The following LRRTM4 variants were observed in gnomAD, a reference collection of about 807,000 sequenced individuals.
The protein encoded by LRRTM4 is leucine-rich repeat transmembrane neuronal protein 4.
In LRRTM4, 25 loss-of-function variants were observed where a neutral mutation model predicts 47.6. The observed-to-expected ratio is 0.53, with a 90% CI of 0.38 to 0.73. The LOEUF is 0.73. LRRTM4 is among the 30% of genes least tolerant of loss of function. The pLI, the probability that LRRTM4 is intolerant of heterozygous loss-of-function variation, is 0.00. For synonymous variants in LRRTM4, 311 were observed against 269.5 expected, an observed-to-expected ratio of 1.15 and a Z score of -1.51; for missense variants, 638 against 713.4, an observed-to-expected ratio of 0.89 and a Z score of 1.20.
intron 3 of LRRTM4, among the ~76,000 whole-genome samples, chr2:77,078,394 ACACACACACACAC>A (rs1423850348): frequency 6.6e-6 from 1 of 151,676 alleles, no homozygotes; most frequent in African/African-American, 2.4e-5. Context: ...ACACACACAC[ACACACACACACAC>A]ATGTTCTGGT....
In LRRTM4 at chr2:77,070,092, C is replaced by A. The variant is rs942173284; in HGVS notation, c.1552-321176G>T. On this transcript the variant is annotated intron_variant, in intron 3 of 3. Coordinates refer to ENST00000409884, the MANE Select transcript of LRRTM4 (RefSeq NM_001134745.3). Reference sequence around the variant, plus strand: ...AATCGGAAATGAGGCTATGAATGAGCTATCGCGTGCTTCTGCTTTTTCCAG... The same window carrying A: ...AATCGGAAATGAGGCTATGAATGAGATATCGCGTGCTTCTGCTTTTTCCAG... 7.9e-5 allele frequency among the ~76,000 whole-genome samples: 12 copies of A among 152,106 alleles called. 1 individual carries two copies. The highest frequency in any genetic ancestry group is 3.4e-3 in the Middle Eastern group (1 of 294).
chr2:76,998,704 T>C (rs950804813), intron 3 of LRRTM4, among the ~76,000 whole-genome samples: 3 of 151,304 alleles, frequency 2.0e-5, no homozygotes, highest in African/African-American at 7.3e-5. Context: ...AAACACAATG[T>C]GACAAAAACA....
In LRRTM4 at chr2:77,014,538, G is replaced by A. The variant is rs563641346; in HGVS notation, c.1552-265622C>T. Among the ~76,000 whole-genome samples the A allele has an allele frequency of 1.1e-4, 16 of 143,346 alleles. No individual in the cohort carries two copies. In the East Asian group the frequency reaches 3.4e-3, roughly 30 times the overall value. 94.0% of individuals were successfully genotyped at this position (143,346 alleles called of 152,430 possible). Reference sequence around the variant, plus strand: ...TATATAAAGATTTTATAGGCCAGGTGCAGTGGCTCATGCCTGTAATCCCAG... The same window carrying A: ...TATATAAAGATTTTATAGGCCAGGTACAGTGGCTCATGCCTGTAATCCCAG... On this transcript the variant is annotated intron_variant, in intron 3 of 3. Transcript: ENST00000409884.
At chr2:77,316,376 T>C (rs1354020423) in intron 3 of LRRTM4, among the ~76,000 whole-genome samples, 1 of 152,200 alleles carries the variant, frequency 6.6e-6, no homozygotes, top group Non-Finnish European at 1.5e-5. Flanking sequence ...ATTAAAAATG[T>C]TCTATGTCAA....
intron 3 of LRRTM4, among the ~76,000 whole-genome samples, chr2:77,357,436 T>G (rs1672009295): frequency 6.6e-6 from 1 of 152,172 alleles, no homozygotes; most frequent in Non-Finnish European, 1.5e-5. Context: ...TTTTAATCAT[T>G]GCTTAGAAAA....
chr2:77,349,344 A>C (rs543890937), intron 3 of LRRTM4, among the ~76,000 whole-genome samples: 15 of 152,120 alleles, frequency 9.9e-5, no homozygotes, highest in Middle Eastern at 3.4e-3. Context: ...TAAAAAAAAA[A>C]CCTAGAAAAT....
intron 3 of LRRTM4, among the ~76,000 whole-genome samples, chr2:77,101,709 C>G (rs952850927): frequency 2.0e-5 from 3 of 152,080 alleles, no homozygotes; most frequent in Admixed American, 6.6e-5. Flanking sequence ...ATTCAGATAA[C>G]GTTATCAGCT....
At chr2:77,083,419 A>G (rs1680594810) in intron 3 of LRRTM4, among the ~76,000 whole-genome samples, 1 of 152,148 alleles carries the variant, frequency 6.6e-6, no homozygotes, top group South Asian at 2.1e-4. Context: ...CCATAGACTG[A>G]AGTCAGAACT....
intron 3 of LRRTM4, among the ~76,000 whole-genome samples, chr2:77,013,768 C>A (rs541462992): frequency 2.1e-4 from 32 of 152,250 alleles, no homozygotes; most frequent in African/African-American, 7.7e-4. Context: ...GGAGAAACAA[C>A]TCAGATAAAA....
intron 3 of LRRTM4, among the ~76,000 whole-genome samples, chr2:76,923,691 A>C (rs1674503511): frequency 6.6e-6 from 1 of 152,074 alleles, no homozygotes; most frequent in South Asian, 2.1e-4. Flanking sequence ...TCCTTTAGTC[A>C]ATCCCACTGT....
chr2:77,460,948 G>T (rs185339466), intron 3 of LRRTM4, among the ~76,000 whole-genome samples: 2 of 151,822 alleles, frequency 1.3e-5, no homozygotes, highest in Non-Finnish European at 2.9e-5. Flanking sequence ...ATATTTACCC[G>T]CATTAGAAAT....
intron 3 of LRRTM4, among the ~76,000 whole-genome samples, chr2:77,337,291 C>T (rs1331146911): frequency 6.6e-6 from 1 of 152,094 alleles, no homozygotes; most frequent in African/African-American, 2.4e-5. Flanking sequence ...AATGTCCATA[C>T]TGTCCAAAGG....
intron 3 of LRRTM4, among the ~76,000 whole-genome samples, chr2:77,387,704 G>A (rs931234274): frequency 6.6e-6 from 1 of 151,892 alleles, no homozygotes; most frequent in African/African-American, 2.4e-5. Context: ...TAACACCGCG[G>A]GCCCTTCACA....
intron 3 of LRRTM4, among the ~76,000 whole-genome samples, chr2:77,436,152 G>A (rs1163798530): frequency 6.6e-6 from 1 of 152,016 alleles, no homozygotes; most frequent in Non-Finnish European, 1.5e-5. Flanking sequence ...ATCATCTATT[G>A]ATAAAACATG....
intron 3 of LRRTM4, among the ~76,000 whole-genome samples, chr2:77,005,941 TAC>T (rs937755364): frequency 9.2e-5 from 14 of 152,110 alleles, no homozygotes; most frequent in Non-Finnish European, 1.9e-4. Context: ...TTATTTTACA[TAC>T]AGAGAAACTG....
At chr2:77,142,387 T>C (rs1359481983) in intron 3 of LRRTM4, among the ~76,000 whole-genome samples, 1 of 151,342 alleles carries the variant, frequency 6.6e-6, no homozygotes, top group African/African-American at 2.4e-5. Context: ...GAAAACCTAA[T>C]GAGCCATTCA....
intron 3 of LRRTM4, among the ~76,000 whole-genome samples, chr2:77,440,136 C>T (rs994659879): frequency 6.6e-6 from 1 of 152,138 alleles, no homozygotes; most frequent in Non-Finnish European, 1.5e-5. Context: ...TGTGTGAGGC[C>T]GGGCGCGGTG....
At chr2:77,415,245 AT>A (rs1192866055) in intron 3 of LRRTM4, among the ~76,000 whole-genome samples, 1 of 152,166 alleles carries the variant, frequency 6.6e-6, no homozygotes, top group African/African-American at 2.4e-5. Context: ...TGGAAGAATG[AT>A]TATGTCTTAA....
At chr2:77,192,886 C>T (rs1416772095) in intron 3 of LRRTM4, among the ~76,000 whole-genome samples, 2 of 152,056 alleles carry the variant, frequency 1.3e-5, no homozygotes, top group Non-Finnish European at 2.9e-5. Context: ...AACTATAAGC[C>T]GTGCATGGAA....
Sources: allele counts gnomAD v4.1 joint callset (sites outside exome capture counted in the v4.1 genomes callset), GRCh38; gene constraint gnomAD v4.1.1; transcripts MANE v1.5; gene names NCBI Gene and HGNC (gene_info 2026-07-23, HGNC 2026-07-21).